Variants in TASP1 observed in about 807,000 individuals in gnomAD.
TASP1 encodes the protein taspase 1, also known as threonine aspartase 1.
TASP1 carries 16 observed loss-of-function variants against 56.6 expected under a neutral mutation model. The observed-to-expected ratio is 0.28, with a 90% confidence interval of 0.19 to 0.43. TASP1 has a LOEUF of 0.43. Ranked by LOEUF, TASP1 falls within the 20% of genes least tolerant of loss-of-function variation. The probability of loss-of-function intolerance (pLI) is 1.00; values close to 1 mark genes in which losing one functional copy is unlikely to be tolerated. For synonymous variants in TASP1, 179 were observed against 184.2 expected (o/e 0.97, Z 0.23); for missense variants, 393 against 511.6 (o/e 0.77, Z 2.24).
At chr20:13,536,410 A>C (rs1188728600) in intron 8 of TASP1, among the ~76,000 whole-genome samples, 4 of 152,232 alleles carry the variant, frequency 2.6e-5, no homozygotes, top group Non-Finnish European at 5.9e-5. Context: ...TCAACTGTCA[A>C]CTGACAGCAT....
chr20:13,346,121 G>A, the TASP1 span, among the ~76,000 whole-genome samples: 4 of 151,996 alleles, frequency 2.6e-5, no homozygotes, highest in Admixed American at 1.3e-4. Context: ...TTTAAGTTGG[G>A]AAAGAGAGAG....
intron 10 of TASP1, among the ~76,000 whole-genome samples, chr20:13,512,743 T>G (rs925260111): frequency 1.3e-5 from 2 of 152,224 alleles, no homozygotes; most frequent in Admixed American, 1.3e-4. Flanking sequence ...AGGTCTAACA[T>G]TTAAGTCTTT....
At chr20:13,411,735 C>T (rs926435760) in intron 13 of TASP1, among the ~76,000 whole-genome samples, 4 of 152,206 alleles carry the variant, frequency 2.6e-5, no homozygotes, top group African/African-American at 7.2e-5. Flanking sequence ...ATTCTAACCA[C>T]GGGAGACTTC....
At chr20:13,525,614 G>A (rs2044946496) in intron 10 of TASP1, among the ~76,000 whole-genome samples, 1 of 152,134 alleles carries the variant, frequency 6.6e-6, no homozygotes, top group Non-Finnish European at 1.5e-5. Context: ...ATCCTAAAAT[G>A]CAGGCCAGGT....
chr20:13,408,926 C>A (rs914502385), intron 13 of TASP1, among the ~76,000 whole-genome samples: 2 of 150,540 alleles, frequency 1.3e-5, no homozygotes, highest in Non-Finnish European at 3.0e-5. Flanking sequence ...TTTCAAAGAA[C>A]TTCGTCTAGC....
chr20:13,559,071 C>T lies in TASP1; in HGVS notation c.612G>A (p.Glu204=), dbSNP rs2046257458. The change falls in exon 8 of 14, where the codon GAG becomes GAA. Residue 204 remains glutamate, a synonymous_variant. Coordinates refer to ENST00000337743, the MANE Select transcript of TASP1 (RefSeq NM_017714.3). The part of the protein sequence containing the change: ...AAFKRNKRKL[E]LAERVDTDFM... ...AATCTGTGTCCACCCTTTCTGCCAGCTCTAGTTTCCTCTTGTTTCTTTTAA... is the reference window on the plus strand; with the variant it reads ...AATCTGTGTCCACCCTTTCTGCCAGTTCTAGTTTCCTCTTGTTTCTTTTAA... 1.3e-6 allele frequency: 2 copies of T among 1,588,964 alleles called. No individual in the cohort carries two copies. The highest frequency in any genetic ancestry group is 1.7e-5 in the Admixed American group (1 of 57,828).
the TASP1 span, chr20:13,244,401 A>AAAAAC: frequency 1.3e-5 from 2 of 151,590 alleles, no homozygotes; most frequent in African/African-American, 2.4e-5. Flanking sequence ...AAAAAAAAAA[A>AAAAAC]CCAGCATAAG....
At chr20:13,499,199 T>A (rs1361531583) in intron 10 of TASP1, among the ~76,000 whole-genome samples, 2 of 151,942 alleles carry the variant, frequency 1.3e-5, no homozygotes, top group Non-Finnish European at 2.9e-5. Flanking sequence ...CTAAGCAAAC[T>A]AACACAAAAA....
chr20:13,637,782 G>A (rs2049362396), intron 1 of TASP1, among the ~76,000 whole-genome samples: 1 of 152,148 alleles, frequency 6.6e-6, no homozygotes. Context: ...ATTTCTTTTG[G>A]GGGTGATGAA....
chr20:13,132,457 G>A, the TASP1 span, among the ~76,000 whole-genome samples: 11 of 152,192 alleles, frequency 7.2e-5, no homozygotes, highest in East Asian at 1.7e-3. Flanking sequence ...GATTACAGGC[G>A]TGAGGACCGC....
At chr20:13,389,276 G>C (rs6131469), downstream of TASP1, 2 of 152,206 alleles carry the variant, frequency 1.3e-5, no homozygotes, top group Non-Finnish European at 2.9e-5. Context: ...CATCTTGCCA[G>C]TGTCTTCTTT....
At chr20:13,248,185 C>T in the TASP1 span, among the ~76,000 whole-genome samples, 1 of 152,182 alleles carries the variant, frequency 6.6e-6, no homozygotes, top group Non-Finnish European at 1.5e-5. Context: ...CACAAATTGT[C>T]AGATATTCTT....
At chr20:13,130,399 G>A in the TASP1 span, among the ~76,000 whole-genome samples, 2 of 151,914 alleles carry the variant, frequency 1.3e-5, no homozygotes, top group African/African-American at 4.8e-5. Flanking sequence ...CTTTGTTTCA[G>A]GTTGAGTTTG....
At chr20:13,632,374 A>G (rs1298001332) in intron 1 of TASP1, among the ~76,000 whole-genome samples, 1 of 151,598 alleles carries the variant, frequency 6.6e-6, no homozygotes, top group African/African-American at 2.4e-5. Flanking sequence ...CAAAAAAAAA[A>G]AAAAAGAAAA....
chr20:13,147,004 C>T, the TASP1 span, among the ~76,000 whole-genome samples: 1 of 152,202 alleles, frequency 6.6e-6, no homozygotes, highest in Non-Finnish European at 1.5e-5. Flanking sequence ...AATGTCCATT[C>T]TCATCCTTGC....
At chr20:13,126,174 C>T in the TASP1 span, among the ~76,000 whole-genome samples, 1 of 152,204 alleles carries the variant, frequency 6.6e-6, no homozygotes, top group Non-Finnish European at 1.5e-5. Flanking sequence ...TGGACTGTGA[C>T]TTATTCTACC....
chr20:13,258,972 C>T, the TASP1 span, among the ~76,000 whole-genome samples: 5 of 151,990 alleles, frequency 3.3e-5, no homozygotes, highest in African/African-American at 9.7e-5. Flanking sequence ...TTACAGATGG[C>T]GAGCTGTGGT....
At chr20:13,467,332 A>G (rs371643169) in intron 11 of TASP1, among the ~76,000 whole-genome samples, 4 of 151,992 alleles carry the variant, frequency 2.6e-5, no homozygotes, top group South Asian at 4.2e-4. Context: ...CTAAACCACT[A>G]TAATATTATC....
At chr20:13,330,230 C>T in the TASP1 span, among the ~76,000 whole-genome samples, 1 of 152,184 alleles carries the variant, frequency 6.6e-6, no homozygotes, top group South Asian at 2.1e-4. Flanking sequence ...GCTGGGATTA[C>T]AGGCATGAGC....
Sources: allele counts gnomAD v4.1 joint callset (sites outside exome capture counted in the v4.1 genomes callset), GRCh38; gene constraint gnomAD v4.1.1; transcripts MANE v1.5; gene names NCBI Gene and HGNC (gene_info 2026-07-23, HGNC 2026-07-21).